Variants in NBN observed in about 807,000 individuals in gnomAD.
NBN encodes the protein nibrin.
In NBN, 88 loss-of-function variants were observed where a neutral mutation model predicts 90.8. The observed-to-expected ratio is 0.97, with a 90% CI of 0.82 to 1.16. The LOEUF (loss-of-function observed/expected upper bound fraction) is 1.16. NBN is among the 50% of genes most tolerant of loss of function. NBN has a pLI of 0.00. For synonymous variants in NBN, 328 were observed against 295.1 expected (o/e 1.11, Z -1.14); for missense variants, 894 against 869.6 (o/e 1.03, Z -0.35).
intron 5 of NBN, among the ~76,000 whole-genome samples, chr8:89,972,212 C>T (rs1484263673): frequency 6.6e-6 from 1 of 152,194 alleles, no homozygotes; most frequent in Non-Finnish European, 1.5e-5. Context: ...TACATCTTTC[C>T]CCTGGACTTC....
chr8:89,959,146 T>C (rs1226073312), intron 8 of NBN, among the ~76,000 whole-genome samples: 1 of 152,232 alleles, frequency 6.6e-6, no homozygotes, highest in Non-Finnish European at 1.5e-5. Context: ...ATTCAAATTA[T>C]GTTTTAAGTC....
At chr8:89,981,102 G>C (rs869312609) in intron 3 of NBN, among the ~76,000 whole-genome samples, 2 of 152,020 alleles carry the variant, frequency 1.3e-5, no homozygotes. Context: ...GAGTCCAAAT[G>C]AAGAAAAAAC....
chr8:89,955,799 C>T (rs1017849841), intron 9 of NBN, among the ~76,000 whole-genome samples: 2 of 151,984 alleles, frequency 1.3e-5, no homozygotes, highest in Admixed American at 6.6e-5. Flanking sequence ...CCACTATAGA[C>T]GACTGACAAA....
chr8:89,943,685 C>T (rs776021673), intron 13 of NBN, among the ~76,000 whole-genome samples: 1 of 152,138 alleles, frequency 6.6e-6, no homozygotes, highest in Non-Finnish European at 1.5e-5. Context: ...AAGATGAACA[C>T]AAACACTACA....
At chr8:89,943,398 A>G (rs1197797658) in intron 13 of NBN, 32 bp from the exon 14 acceptor site, 2 of 1,583,260 alleles carry the variant, frequency 1.3e-6, no homozygotes, top group Non-Finnish European at 1.7e-6. Flanking sequence ...ACAGTAAATC[A>G]TATTAACAAA....
At chr8:89,977,429 C>A (rs775541804) in intron 5 of NBN, among the ~76,000 whole-genome samples, 10 of 152,142 alleles carry the variant, frequency 6.6e-5, no homozygotes, top group Non-Finnish European at 1.5e-4. Flanking sequence ...CATAGTATTC[C>A]ATGGTGTATA....
chr8:89,948,810 C>A (rs986174427), intron 11 of NBN, among the ~76,000 whole-genome samples: 1 of 152,148 alleles, frequency 6.6e-6, no homozygotes, highest in African/African-American at 2.4e-5. Context: ...GTTGTTATCA[C>A]AATCAGAACA....
Position 89,946,145 on chromosome 8 carries a change from T to G in NBN, c.2065A>C (p.Lys689Gln), listed in dbSNP as rs1554556461. ...GATACAGTTGAAATACCTACCTTTT[T>G]GAATTTCTTGAAATTTTTTAGTTGA... ...YGQLKNFKKFKKVTYPGAGKL... is the reference protein window; with the variant it reads ...YGQLKNFKKFQKVTYPGAGKL... Residue 689 changes from lysine to glutamine, a missense_variant, in exon 13 of 16, where the codon AAA (lysine) becomes CAA (glutamine). Transcript: ENST00000265433. The G allele has an allele frequency of 6.3e-7, 1 of 1,581,018 alleles. No individual in the cohort carries two copies. The highest frequency in any genetic ancestry group is 8.7e-7 in the Non-Finnish European group (1 of 1,151,564).
At chr8:89,964,317 T>A (rs1811136250) in intron 8 of NBN, 93 bp downstream of exon 8, 4 of 1,364,084 alleles carry the variant, frequency 2.9e-6, no homozygotes, top group African/African-American at 1.4e-5. Context: ...GTGAATATGG[T>A]CACCCCTAGC....
chr8:89,962,521 G>C (rs754241834), intron 8 of NBN, among the ~76,000 whole-genome samples: 23 of 152,172 alleles, frequency 1.5e-4, no homozygotes, highest in Non-Finnish European at 2.5e-4. Context: ...CCAAGAATAT[G>C]GCTCTCTTTG....
At chr8:89,970,680 C>T in intron 6 of NBN, 123 bp from the exon 7 acceptor site, 2 of 933,280 alleles carry the variant, frequency 2.1e-6, no homozygotes, top group Admixed American at 4.2e-5. Context: ...TTGAGTAGGT[C>T]ATTTCAGCTT....
chr8:89,973,797 G>A lies in NBN; in HGVS notation c.585-2507C>T, dbSNP rs141116656. Among the ~76,000 whole-genome samples, 322 of 152,188 alleles carry A rather than the reference G, an allele frequency of 2.1e-3. 2 individuals are homozygous for A. Among genetic ancestry groups the A allele is most frequent in the African/African-American group, 7.1e-3 (293 of 41,524 alleles). ...GGAAAGTAACCTGTCAGAGACCTAG[G>A]CTAGAGGCATATTGACTGAATATAA... On this transcript the variant is annotated intron_variant, in intron 5 of 15. Coordinates refer to ENST00000265433, the MANE Select transcript of NBN (RefSeq NM_002485.5).
intron 8 of NBN, among the ~76,000 whole-genome samples, chr8:89,962,883 CGTCACACA>C (rs1563545689): frequency 5.8e-4 from 88 of 152,322 alleles, no homozygotes; most frequent in South Asian, 3.5e-3. Context: ...TTTCTCAAAA[CGTCACACA>C]TTAAAATATA....
chr8:89,982,311 C>A (rs371592812), intron 2 of NBN: 113 of 269,244 alleles, frequency 4.2e-4, no homozygotes, highest in Middle Eastern at 2.7e-3. Context: ...TCTTTAAGAG[C>A]CAGAGTCATG....
Position 89,980,177 on chromosome 8 carries a change from G to A in NBN, c.480+557C>T, listed in dbSNP as rs139418828. Among the ~76,000 whole-genome samples the A allele has an allele frequency of 2.4e-4, 36 of 152,238 alleles. No homozygotes were observed. The East Asian group carries it at 5.8e-3, about 24-fold the overall frequency. ...AGCTGAGCGGCAAGCCTTTCTCCAC[G>A]ATAACTCTTTAGCTATAAAACATAA... On this transcript the variant is annotated intron_variant, in intron 4 of 15. Coordinates refer to ENST00000265433, the MANE Select transcript of NBN (RefSeq NM_002485.5).
chr8:89,977,078 G>T (rs1364691777), intron 5 of NBN, among the ~76,000 whole-genome samples: 2 of 151,834 alleles, frequency 1.3e-5, no homozygotes, highest in Non-Finnish European at 2.9e-5. Context: ...GTTACTTTAA[G>T]TTCTGGGATA....
At chr8:89,975,519 A>G (rs563032437) in intron 5 of NBN, among the ~76,000 whole-genome samples, 1 of 152,378 alleles carries the variant, frequency 6.6e-6, no homozygotes, top group African/African-American at 2.4e-5. Flanking sequence ...AACTAAATAT[A>G]TTTAAAAATT....
At chr8:89,944,853 T>C (rs1475063364) in intron 13 of NBN, among the ~76,000 whole-genome samples, 7 of 152,156 alleles carry the variant, frequency 4.6e-5, no homozygotes, top group African/African-American at 7.2e-5. Flanking sequence ...AGTGCTGACA[T>C]TACAGGTGTG....
At chr8:89,958,601 TG>T (rs1347123282) in intron 9 of NBN, 123 bp downstream of exon 9, 2 of 1,172,292 alleles carry the variant, frequency 1.7e-6, no homozygotes, top group Admixed American at 1.9e-5. Flanking sequence ...TCATTTTCCC[TG>T]GTATCCCATT....
Sources: gnomAD v4.1 joint callset for allele counts (sites outside exome capture counted in the v4.1 genomes callset) on GRCh38, gnomAD v4.1.1 for gene constraint, MANE v1.5 for transcripts, NCBI Gene and HGNC (gene_info 2026-07-23, HGNC 2026-07-21) for gene names.